Variants in ZZEF1 observed in about 807,000 individuals in gnomAD.
ZZEF1 encodes the protein zinc finger ZZ-type and EF-hand domain containing 1.
A neutral mutation model predicts 342.8 loss-of-function variants in ZZEF1; 157 were observed. The observed-to-expected ratio is 0.46, with a 90% CI of 0.40 to 0.52. The LOEUF is 0.52. ZZEF1 is among the 20% of genes least tolerant of loss of function. ZZEF1 has a pLI of 0.00. For synonymous variants in ZZEF1, 1,505 were observed against 1,429.1 expected, an observed-to-expected ratio of 1.05 and a Z score of -1.20; for missense variants, 3,480 against 3,725.6, an observed-to-expected ratio of 0.93 and a Z score of 1.72.
At chr17:4,122,442 G>T (rs186182078) in intron 2 of ZZEF1, among the ~76,000 whole-genome samples, 8 of 151,434 alleles carry the variant, frequency 5.3e-5, no homozygotes, top group Non-Finnish European at 8.8e-5. Flanking sequence ...GCAATGGTGC[G>T]ATCTCAGCTC....
At chr17:4,007,508 T>G (rs1218877915) in intron 54 of ZZEF1, among the ~76,000 whole-genome samples, 1 of 149,398 alleles carries the variant, frequency 6.7e-6, no homozygotes, top group Non-Finnish European at 1.5e-5. Flanking sequence ...CAACAGGCTG[T>G]GGGGGGGGTC....
chr17:4,043,565 A>C (rs763098188), intron 38 of ZZEF1, among the ~76,000 whole-genome samples: 1 of 152,114 alleles, frequency 6.6e-6, no homozygotes, highest in Non-Finnish European at 1.5e-5. Context: ...ATGCTCCTCA[A>C]TCCTCCTAAG....
chr17:4,061,021 CT>C (rs2057276222), intron 30 of ZZEF1, among the ~76,000 whole-genome samples: 1 of 152,234 alleles, frequency 6.6e-6, no homozygotes, highest in Non-Finnish European at 1.5e-5. Flanking sequence ...CCTCCAAAAA[CT>C]TCCCCGTTTC....
At position 4,072,781 on chromosome 17, in the gene ZZEF1, C is replaced by T. The variant is rs781820; in HGVS notation, c.3686-25G>A. The T allele has an allele frequency of 1.9e-6, 3 of 1,582,232 alleles. 1 individual carries two copies. Among genetic ancestry groups the T allele is most frequent in the Non-Finnish European group, 2.6e-6 (3 of 1,162,036 alleles). ...TCTAGAAAGAGAAGAAGACATATGA[C>T]AGTTCTATTTTTGCCTTAATATATT... On this transcript the variant is annotated intron_variant, in intron 24 of 54. Transcript: ENST00000381638.
chr17:4,017,906 C>A lies in ZZEF1; in HGVS notation c.7571G>T (p.Ser2524Ile), dbSNP rs376112842. ...IRSLAQRWQP[S>I]KSLRLEEQSA... The stretch of plus-strand genomic sequence containing the variant: ...CTGTTCTTCCAGCCTCAGACTCTTA[C>A]TGGGCTGCCACCGCTGAGCCAGGGA... Residue 2524 changes from serine (S) to isoleucine (I), a missense_variant, in exon 47 of 55, where the codon AGT becomes ATT. By Grantham distance (142) the Ser-to-Ile change is moderately radical. Transcript: ENST00000381638. This position sits in a 1 kb window ranked among gnomAD's most constrained non-coding sequence, Gnocchi z 5.1. 135 of 1,614,050 alleles carry A rather than the reference C, an allele frequency of 8.4e-5. No homozygotes were observed. Among genetic ancestry groups the A allele is most frequent in the Non-Finnish European group, 1.1e-4 (131 of 1,180,048 alleles).
Position 4,013,623 on chromosome 17 carries a change from C to T in ZZEF1, c.8414-9G>A, listed in dbSNP as rs183714485. The T allele has an allele frequency of 1.9e-6, 3 of 1,606,618 alleles. No individual in the cohort carries two copies. Among genetic ancestry groups the T allele is most frequent in the African/African-American group, 2.7e-5 (2 of 74,718 alleles). ...CTTCAAAATCTCGAATCCTGGCCAA[C>T]ACCCCAAAACACGGATATATAAACA... is the stretch of plus-strand genomic sequence containing the variant. On this transcript the variant is annotated splice_polypyrimidine_tract_variant and intron_variant, in intron 51 of 54. Coordinates refer to ENST00000381638, the MANE Select transcript of ZZEF1 (RefSeq NM_015113.4).
intron 42 of ZZEF1, among the ~76,000 whole-genome samples, chr17:4,026,398 A>T (rs1252950405): frequency 6.6e-6 from 1 of 152,248 alleles, no homozygotes; most frequent in Admixed American, 6.5e-5. Context: ...GCATAATTGA[A>T]TTGCTAAAAA....
rs754184254 is a variant in ZZEF1 at position 4,049,797 on chromosome 17, C to T, written c.5926G>A (p.Ala1976Thr). 6.2e-7 allele frequency: 1 copy of T among 1,614,166 alleles called. No individual in the cohort carries two copies. Among genetic ancestry groups the T allele is most frequent in the Non-Finnish European group, 8.5e-7 (1 of 1,180,034 alleles). Reference sequence around the variant, plus strand: ...CCGGTGGGCACAGTGACTGGTAGGGCCTGATCTTCTAGGCTCGAGTCCCCA... The same window carrying T: ...CCGGTGGGCACAGTGACTGGTAGGGTCTGATCTTCTAGGCTCGAGTCCCCA... ...PDGDSSLEDQALPVTVPTGAS... is the reference protein window; with the variant it reads ...PDGDSSLEDQTLPVTVPTGAS... Residue 1976 changes from alanine (A) to threonine (T), a missense_variant, in exon 37 of 55, where the codon GCC becomes ACC. Physicochemically the swap from Ala to Thr is moderately conservative, Grantham distance 58. Transcript: ENST00000381638.
At chr17:4,087,667 C>T in intron 13 of ZZEF1, 133 bp from the exon 14 acceptor site, 1 of 756,074 alleles carries the variant, frequency 1.3e-6, no homozygotes. Context: ...ATTACTGATG[C>T]TTACTCTTAA....
intron 26 of ZZEF1, among the ~76,000 whole-genome samples, chr17:4,069,786 G>A (rs1014727530): frequency 3.9e-5 from 6 of 152,172 alleles, no homozygotes; most frequent in Non-Finnish European, 5.9e-5. Context: ...AGTCAAGATC[G>A]CGCCACTGCA....
chr17:4,068,734 C>T (rs918396577), intron 26 of ZZEF1, among the ~76,000 whole-genome samples: 1 of 152,174 alleles, frequency 6.6e-6, no homozygotes, highest in Middle Eastern at 3.2e-3. Flanking sequence ...CCCTGGAATA[C>T]GCCAGGGCTG....
chr17:4,139,430 A>G (rs2058806847), intron 1 of ZZEF1, among the ~76,000 whole-genome samples: 1 of 152,256 alleles, frequency 6.6e-6, no homozygotes, highest in Non-Finnish European at 1.5e-5. Context: ...TGACGGAAAC[A>G]ACTTGTCATT....
rs1410326917 is a variant in ZZEF1 at position 4,006,297 on chromosome 17, G to A, written c.*593C>T. 2 of 156,802 alleles carry A rather than the reference G, an allele frequency of 1.3e-5. No individual in the cohort carries two copies. The highest frequency in any genetic ancestry group is 6.1e-5 in the Admixed American group (1 of 16,432). 9.7% of individuals were successfully genotyped at this position (156,802 alleles called of 1,614,324 possible). A position where few individuals can be genotyped will look rare whatever the true frequency, so the allele number is the denominator to read the frequency against. ...CTGCCGGCTGTCCCCAAGGGCACTTGTTCTCCTCAAGGAGTTCTCTGGGAG... is the reference window on the plus strand; with the variant it reads ...CTGCCGGCTGTCCCCAAGGGCACTTATTCTCCTCAAGGAGTTCTCTGGGAG... On this transcript the variant is annotated 3_prime_UTR_variant, in exon 55 of 55. Transcript: ENST00000381638.
At chr17:4,077,107 G>A (rs1231732259) in intron 19 of ZZEF1, 118 bp from the exon 20 acceptor site, 4 of 1,009,286 alleles carry the variant, frequency 4.0e-6, no homozygotes, top group Non-Finnish European at 5.3e-6. Flanking sequence ...CCACAGCGAA[G>A]ACCACAAGGC....
At chr17:4,060,628 A>G (rs1419252770) in intron 30 of ZZEF1, among the ~76,000 whole-genome samples, 2 of 150,134 alleles carry the variant, frequency 1.3e-5, no homozygotes, top group Non-Finnish European at 3.0e-5. Flanking sequence ...CCACCAAAAA[A>G]CCCCTTCCTG....
rs770477368 is a variant in ZZEF1 at position 4,017,554 on chromosome 17, G to A, written c.7818C>T (p.Tyr2606=). 8.7e-6 allele frequency: 14 copies of A among 1,614,156 alleles called. No individual in the cohort carries two copies. In the East Asian group the frequency reaches 2.9e-4, roughly 33 times the overall value. ...CTGTGGCCTCGTTCACTCGGAAGAG[G>A]TAGTCCCGGACAGCCCTCTTACTCT... ...NCKSKRAVRD[Y]LFRVNEATAV... Residue 2606 remains tyrosine (Y), a synonymous_variant, in exon 48 of 55, where the codon TAC becomes TAT. Transcript: ENST00000381638. This position sits in a 1 kb window ranked among gnomAD's most constrained non-coding sequence, Gnocchi z 5.1.
At chr17:4,128,957 TG>T (rs2058621458) in intron 1 of ZZEF1, among the ~76,000 whole-genome samples, 2 of 151,490 alleles carry the variant, frequency 1.3e-5, no homozygotes, top group Admixed American at 1.3e-4. Flanking sequence ...TTAGTAGAGA[TG>T]GGGTTTCACC....
intron 40 of ZZEF1, 64 bp from the exon 41 acceptor site, chr17:4,033,066 A>G: frequency 6.7e-7 from 1 of 1,483,198 alleles, no homozygotes; most frequent in South Asian, 1.2e-5. Context: ...GTTAGAGCTC[A>G]CTACACTCCA....
chr17:4,022,320 A>C (rs556156896), intron 44 of ZZEF1: 1 of 179,518 alleles, frequency 5.6e-6, no homozygotes, highest in South Asian at 1.2e-4. Context: ...CAGTAATAAA[A>C]TTATAATGAT....
Sources: gnomAD v4.1 joint callset for allele counts (sites outside exome capture counted in the v4.1 genomes callset) on GRCh38, gnomAD v4.1.1 for gene constraint, Gnocchi (gnomAD v3.1) non-coding constraint, MANE v1.5 for transcripts, NCBI Gene and HGNC (gene_info 2026-07-23, HGNC 2026-07-21) for gene names.